The following RBFOX1 variants were observed in gnomAD, a reference collection of about 807,000 sequenced individuals.
The protein encoded by RBFOX1 is RNA binding protein fox-1 homolog 1.
RBFOX1 carries 8 observed loss-of-function variants against 57.7 expected under a neutral mutation model. The observed-to-expected ratio is 0.14, with a 90% CI of 0.08 to 0.25. The LOEUF is 0.25. RBFOX1 is among the 10% of genes least tolerant of loss of function. RBFOX1 has a pLI of 1.00. For synonymous variants in RBFOX1, 326 were observed against 222.4 expected (o/e 1.47, Z -4.15); for missense variants, 611 against 548.5 (o/e 1.11, Z -1.14).
At chr16:5,286,784 G>T (rs570626301) in intron 1 of RBFOX1, among the ~76,000 whole-genome samples, 2 of 152,306 alleles carry the variant, frequency 1.3e-5, no homozygotes, top group East Asian at 3.9e-4. Context: ...TGAAGCAGTG[G>T]TACCATCGTA....
At chr16:6,472,771 C>T (rs548793565) in intron 2 of RBFOX1, among the ~76,000 whole-genome samples, 8 of 151,964 alleles carry the variant, frequency 5.3e-5, no homozygotes, top group East Asian at 1.9e-4. Context: ...TACAGGCGTG[C>T]GCCACCATGC....
At chr16:7,183,849 G>T (rs12709182) in intron 4 of RBFOX1, among the ~76,000 whole-genome samples, 12 of 152,014 alleles carry the variant, frequency 7.9e-5, no homozygotes, top group Admixed American at 5.9e-4. Context: ...GGTACCATTC[G>T]TATCAGGTCT....
intron 2 of RBFOX1, among the ~76,000 whole-genome samples, chr16:6,451,044 C>A (rs2153045670): frequency 6.6e-6 from 1 of 150,464 alleles, no homozygotes; most frequent in African/African-American, 2.4e-5. Context: ...ATTCTCCAAC[C>A]ACACCTCCAT....
At position 5,882,895 on chromosome 16, in the gene RBFOX1, G is replaced by C. The variant is rs1359037991; in HGVS notation, c.351+15560G>C. ...TGTCAAAGAGAAAACATGAAAATGTGTAATAGTCTGTTACTGTACATTTAA... is the reference window on the plus strand; with the variant it reads ...TGTCAAAGAGAAAACATGAAAATGTCTAATAGTCTGTTACTGTACATTTAA... On this transcript the variant is annotated intron_variant, in intron 4 of 19. Transcript: ENST00000641259. 7.2e-5 allele frequency among the ~76,000 whole-genome samples: 11 copies of C among 152,316 alleles called. No homozygotes were observed. In the East Asian group the frequency reaches 1.9e-3, roughly 27 times the overall value.
At chr16:7,379,418 G>C (rs1329130532) in intron 4 of RBFOX1, among the ~76,000 whole-genome samples, 2 of 152,168 alleles carry the variant, frequency 1.3e-5, no homozygotes, top group Non-Finnish European at 2.9e-5. Context: ...GTGTGCAATG[G>C]AATACTAGAA....
chr16:7,683,662 G>A (rs59304935), intron 14 of RBFOX1, among the ~76,000 whole-genome samples: 5 of 151,918 alleles, frequency 3.3e-5, no homozygotes, highest in African/African-American at 4.8e-5. Flanking sequence ...TTTTTAGGTC[G>A]CAGATCATTG....
chr16:7,250,557 C>G lies in RBFOX1; in HGVS notation c.27+198459C>G, dbSNP rs540805469. ...TATCCCCTCCCTCCAAGAAAGTAAACTACCTGAAGGCAAAGACTAAGAGTA... is the reference window on the plus strand; with the variant it reads ...TATCCCCTCCCTCCAAGAAAGTAAAGTACCTGAAGGCAAAGACTAAGAGTA... On this transcript the variant is annotated intron_variant, in intron 4 of 15. Transcript: ENST00000550418. 9.9e-4 allele frequency among the ~76,000 whole-genome samples: 151 copies of G among 152,316 alleles called. 1 individual carries two copies. The highest frequency in any genetic ancestry group is 3.0e-3 in the African/African-American group (125 of 41,556).
intron 3 of RBFOX1, among the ~76,000 whole-genome samples, chr16:6,843,643 C>T (rs1010073998): frequency 6.6e-6 from 1 of 152,208 alleles, no homozygotes; most frequent in East Asian, 1.9e-4. Flanking sequence ...GAGCCGACAT[C>T]GCGCCACCGC....
intron 4 of RBFOX1, among the ~76,000 whole-genome samples, chr16:7,441,978 T>C (rs530688127): frequency 2.6e-5 from 4 of 152,340 alleles, no homozygotes; most frequent in Non-Finnish European, 4.4e-5. Context: ...CTGCCATGCC[T>C]GAAGATTTCA....
intron 3 of RBFOX1, among the ~76,000 whole-genome samples, chr16:7,038,241 C>G (rs11645743): frequency 0.089 from 13,580 of 152,034 alleles, 1,002 homozygotes; most frequent in East Asian, 0.32. Flanking sequence ...TTTAGTTACC[C>G]AGGACATTTT....
intron 3 of RBFOX1, among the ~76,000 whole-genome samples, chr16:6,688,999 G>C (rs1488067795): frequency 1.3e-5 from 2 of 152,124 alleles, no homozygotes; most frequent in African/African-American, 4.8e-5. Flanking sequence ...AGTATTCCAT[G>C]GTTTATATGT....
chr16:6,307,155 G>A (rs934407848), intron 1 of RBFOX1, among the ~76,000 whole-genome samples: 3 of 152,102 alleles, frequency 2.0e-5, no homozygotes, highest in Admixed American at 6.6e-5. Flanking sequence ...ATTCGTAAAC[G>A]CCCCCCTAGG....
chr16:7,049,690 C>A (rs1007676388), intron 3 of RBFOX1, among the ~76,000 whole-genome samples: 1 of 151,872 alleles, frequency 6.6e-6, no homozygotes, highest in Non-Finnish European at 1.5e-5. Context: ...GTTTTGTTCC[C>A]CCCTCCACTT....
chr16:6,309,194 C>T (rs959036538), intron 1 of RBFOX1, among the ~76,000 whole-genome samples: 2 of 152,012 alleles, frequency 1.3e-5, no homozygotes, highest in Admixed American at 1.3e-4. Context: ...GTTCAGCTTC[C>T]CTTTTCATAC....
At position 6,572,306 on chromosome 16, in the gene RBFOX1, G is replaced by A. The variant is rs144294898; in HGVS notation, c.-63-82297G>A. Among the ~76,000 whole-genome samples, 91 of 152,248 alleles carry A rather than the reference G, an allele frequency of 6.0e-4. 2 individuals are homozygous for A. Among genetic ancestry groups the A allele is most frequent in the Admixed American group, 3.9e-3 (60 of 15,290 alleles). On this transcript the variant is annotated intron_variant, in intron 2 of 15. Transcript: ENST00000550418. ...AACCCATGACTCTTCCAAGTTGTCT[G>A]AGATCTAGTTATGAATTTTGCACAT...
chr16:6,049,112 G>C (rs539784261), intron 1 of RBFOX1, among the ~76,000 whole-genome samples: 2 of 147,936 alleles, frequency 1.4e-5, no homozygotes, highest in Non-Finnish European at 3.0e-5. Context: ...GCCCAGGCTG[G>C]AGTGCAATGG....
chr16:7,486,798 G>A (rs1202114937), intron 4 of RBFOX1, among the ~76,000 whole-genome samples: 6 of 152,140 alleles, frequency 3.9e-5, no homozygotes, highest in Non-Finnish European at 7.3e-5. Flanking sequence ...AATAGTCAGG[G>A]TTCCAACATT....
intron 3 of RBFOX1, among the ~76,000 whole-genome samples, chr16:6,943,433 G>A (rs1294710486): frequency 1.3e-5 from 2 of 152,196 alleles, no homozygotes; most frequent in Admixed American, 6.5e-5. Flanking sequence ...TGTGGGCCGG[G>A]CGTGGTGGCT....
intron 4 of RBFOX1, among the ~76,000 whole-genome samples, chr16:7,173,548 T>G (rs939730516): frequency 6.6e-6 from 1 of 152,216 alleles, no homozygotes; most frequent in Admixed American, 6.5e-5. Flanking sequence ...TTCATTGTAT[T>G]TCAGCATTTG....
Sources: gnomAD v4.1 joint callset for allele counts (sites outside exome capture counted in the v4.1 genomes callset) on GRCh38, gnomAD v4.1.1 for gene constraint, MANE v1.5 for transcripts, NCBI Gene and HGNC (gene_info 2026-07-23, HGNC 2026-07-21) for gene names.